Variants in MARCHF1 observed in about 807,000 individuals in gnomAD.
MARCHF1 encodes E3 ubiquitin-protein ligase MARCHF1.
Under a neutral mutation model 54.2 loss-of-function variants are expected in MARCHF1, and 40 were observed. That is an observed-to-expected ratio of 0.74 (90% CI 0.57 to 0.96). The LOEUF is 0.96. Ranked by LOEUF, MARCHF1 falls within the 40% of genes least tolerant of loss-of-function variation. The pLI is 0.00. For missense variants in MARCHF1, 586 were observed against 656.5 expected, an observed-to-expected ratio of 0.89 and a Z score of 1.17; for synonymous variants, 236 against 236.3, an observed-to-expected ratio of 1.00 and a Z score of 0.01.
At chr4:163,885,057 T>G (rs1378668895) in intron 3 of MARCHF1, among the ~76,000 whole-genome samples, 1 of 152,286 alleles carries the variant, frequency 6.6e-6, no homozygotes, top group East Asian at 1.9e-4. Context: ...TGAGGCAGTG[T>G]GTAAGACTTA....
At chr4:163,957,192 CTG>C (rs1200870208) in intron 3 of MARCHF1, among the ~76,000 whole-genome samples, 1 of 151,896 alleles carries the variant, frequency 6.6e-6, no homozygotes, top group Non-Finnish European at 1.5e-5. Flanking sequence ...CTCAATTAAA[CTG>C]TGATACTACA....
chr4:163,938,747 A>G (rs566878184), intron 3 of MARCHF1, among the ~76,000 whole-genome samples: 10 of 152,160 alleles, frequency 6.6e-5, no homozygotes, highest in Admixed American at 1.3e-4. Flanking sequence ...ACTTACAATC[A>G]TGGTGGAATG....
intron 3 of MARCHF1, among the ~76,000 whole-genome samples, chr4:163,915,855 A>G (rs527901946): frequency 2.4e-4 from 37 of 152,250 alleles, no homozygotes; most frequent in African/African-American, 8.2e-4. Flanking sequence ...TGGATCTGAG[A>G]CCTCACTGTT....
In MARCHF1 at chr4:164,146,326, A is replaced by C. The variant is rs1579572514; in HGVS notation, c.-322-34664T>G. Among the ~76,000 whole-genome samples, 3 of 149,318 alleles carry C rather than the reference A, an allele frequency of 2.0e-5. No individual in the cohort carries two copies. In the East Asian group the frequency reaches 5.9e-4, roughly 29 times the overall value. On this transcript the variant is annotated intron_variant, in intron 1 of 9. Transcript: ENST00000514618. ...TCACAGAATTGGAAAAAACTACTTT[A>C]AAGTTCATATGGAACCAAAAAAGAG... is the stretch of plus-strand genomic sequence containing the variant.
chr4:163,565,881 G>C (rs913377288), intron 8 of MARCHF1, among the ~76,000 whole-genome samples: 1 of 152,134 alleles, frequency 6.6e-6, no homozygotes, highest in Non-Finnish European at 1.5e-5. Context: ...CCACAACAAA[G>C]CTAGTTATTA....
At chr4:163,851,086 TA>T (rs1749629887) in intron 4 of MARCHF1, among the ~76,000 whole-genome samples, 1 of 152,084 alleles carries the variant, frequency 6.6e-6, no homozygotes, top group South Asian at 2.1e-4. Context: ...ATATAACACT[TA>T]AATGTTTAAA....
chr4:164,137,152 T>C (rs1756419772), intron 1 of MARCHF1, among the ~76,000 whole-genome samples: 1 of 152,212 alleles, frequency 6.6e-6, no homozygotes. Flanking sequence ...TGTTGTCAAT[T>C]CACATTCACA....
At chr4:163,755,017 CA>C (rs1333997670) in intron 4 of MARCHF1, among the ~76,000 whole-genome samples, 1 of 152,132 alleles carries the variant, frequency 6.6e-6, no homozygotes, top group African/African-American at 2.4e-5. Flanking sequence ...ATTTTGCCCC[CA>C]AGGGGACATT....
At chr4:164,044,733 T>C (rs934657979) in intron 2 of MARCHF1, among the ~76,000 whole-genome samples, 1 of 151,966 alleles carries the variant, frequency 6.6e-6, no homozygotes, top group Admixed American at 6.6e-5. Flanking sequence ...CTATAGTGTT[T>C]ATATATATGT....
chr4:164,141,775 A>C (rs527659834), intron 1 of MARCHF1, among the ~76,000 whole-genome samples: 2 of 152,348 alleles, frequency 1.3e-5, no homozygotes, highest in African/African-American at 4.8e-5. Flanking sequence ...TGCAATCTAT[A>C]TTTTAAAAGT....
chr4:164,010,157 C>T lies in MARCHF1; in HGVS notation c.-247-21448G>A, dbSNP rs568890841. 6.0e-5 allele frequency among the ~76,000 whole-genome samples: 9 copies of T among 151,206 alleles called. No homozygotes were observed. The South Asian group carries it at 1.7e-3, about 28-fold the overall frequency. ...TCTCGGCTCACTGCAACCTCTGCCT[C>T]CCAGGTTCAAGCGATTCTCCTGCCT... On this transcript the variant is annotated intron_variant, in intron 2 of 9. Coordinates refer to ENST00000514618, the MANE Select transcript of MARCHF1 (RefSeq NM_001394959.1).
At chr4:164,217,321 G>C (rs1731961901) in intron 1 of MARCHF1, among the ~76,000 whole-genome samples, 2 of 152,166 alleles carry the variant, frequency 1.3e-5, no homozygotes, top group South Asian at 2.1e-4. Flanking sequence ...GGCTTAAATT[G>C]ATTTAGCCTG....
At chr4:164,084,310 C>T (rs1341622918) in intron 2 of MARCHF1, among the ~76,000 whole-genome samples, 1 of 151,790 alleles carries the variant, frequency 6.6e-6, no homozygotes, top group Non-Finnish European at 1.5e-5. Flanking sequence ...TTGTTTATTA[C>T]TTTCCCCGGC....
intron 4 of MARCHF1, among the ~76,000 whole-genome samples, chr4:163,845,460 T>TACACACACAC (rs10611765): frequency 1.2e-4 from 17 of 137,528 alleles, no homozygotes; most frequent in African/African-American, 3.5e-4. Flanking sequence ...GCACCTCAGT[T>TACACACACAC]ACACACACAC....
At chr4:164,039,649 TTTC>T (rs752437878) in intron 2 of MARCHF1, among the ~76,000 whole-genome samples, 3 of 152,096 alleles carry the variant, frequency 2.0e-5, no homozygotes, top group Non-Finnish European at 2.9e-5. Flanking sequence ...ACATAATCTT[TTTC>T]TTAAGACATT....
chr4:164,003,343 A>C (rs1435901721), intron 2 of MARCHF1, among the ~76,000 whole-genome samples: 1 of 152,106 alleles, frequency 6.6e-6, no homozygotes, highest in Admixed American at 6.6e-5. Flanking sequence ...AAAGTCTTAC[A>C]CTTATATTAA....
chr4:164,373,900 T>A (rs972065940), intron 1 of MARCHF1, among the ~76,000 whole-genome samples: 1 of 152,156 alleles, frequency 6.6e-6, no homozygotes, highest in Non-Finnish European at 1.5e-5. Flanking sequence ...GGTAAAAATG[T>A]AGATTACTCA....
At chr4:164,203,055 G>GC (rs1320611797) in intron 1 of MARCHF1, among the ~76,000 whole-genome samples, 4 of 151,902 alleles carry the variant, frequency 2.6e-5, no homozygotes, top group Non-Finnish European at 1.5e-5. Context: ...GGAGCTGTTC[G>GC]CCCCCTCTCT....
intron 1 of MARCHF1, among the ~76,000 whole-genome samples, chr4:164,154,474 A>G (rs1053139266): frequency 6.6e-6 from 1 of 152,190 alleles, no homozygotes; most frequent in Non-Finnish European, 1.5e-5. Context: ...TTCCAACTTC[A>G]TCATATTTTG....
Sources: gnomAD v4.1 joint callset for allele counts (sites outside exome capture counted in the v4.1 genomes callset) on GRCh38, gnomAD v4.1.1 for gene constraint, MANE v1.5 for transcripts, NCBI Gene and HGNC (gene_info 2026-07-23, HGNC 2026-07-21) for gene names.